CNGB1: variants seen among roughly 807,000 people sequenced by gnomAD.
CNGB1 encodes the protein cyclic nucleotide-gated channel beta-1.
Under a neutral mutation model 151.7 loss-of-function variants are expected in CNGB1, and 126 were observed. The observed-to-expected ratio is 0.83, with a 90% confidence interval of 0.72 to 0.96. CNGB1 has a LOEUF of 0.96. Ranked by LOEUF, CNGB1 falls within the 40% of genes least tolerant of loss-of-function variation. CNGB1 has a pLI of 0.00. For missense variants in CNGB1, 1,698 were observed against 1,627.0 expected, an observed-to-expected ratio of 1.04 and a Z score of -0.75; for synonymous variants, 623 against 635.1, an observed-to-expected ratio of 0.98 and a Z score of 0.29.
intron 19 of CNGB1, among the ~76,000 whole-genome samples, chr16:57,919,802 G>A (rs1171881656): frequency 6.6e-6 from 1 of 152,078 alleles, no homozygotes; most frequent in Non-Finnish European, 1.5e-5. Flanking sequence ...GCTCTTATAG[G>A]TTCAATATGG....
intron 9 of CNGB1, 151 bp downstream of exon 9, chr16:57,960,331 C>A (rs2405011): frequency 0.56 from 665,826 of 1,191,244 alleles, 193,308 homozygotes; most frequent in Non-Finnish European, 0.6. Flanking sequence ...CTGGTGTCCC[C>A]GCCAACAGCC....
chr16:57,905,655 T>C (rs1960530159), intron 25 of CNGB1, among the ~76,000 whole-genome samples: 1 of 152,268 alleles, frequency 6.6e-6, no homozygotes, highest in African/African-American at 2.4e-5. Context: ...GGGCGCCGTT[T>C]AGGCTGCGAG....
intron 25 of CNGB1, among the ~76,000 whole-genome samples, chr16:57,908,035 T>C (rs1960602976): frequency 1.3e-5 from 2 of 152,202 alleles, no homozygotes; most frequent in African/African-American, 4.8e-5. Flanking sequence ...ATTACGAGCG[T>C]GTACCACCAT....
chr16:57,915,860 T>C (rs1360056434), intron 22 of CNGB1, among the ~76,000 whole-genome samples: 2 of 142,612 alleles, frequency 1.4e-5, no homozygotes, highest in Non-Finnish European at 1.5e-5. Context: ...ATCACACCAC[T>C]GAACTCCAGC....
intron 16 of CNGB1, among the ~76,000 whole-genome samples, chr16:57,937,716 G>A (rs150214479): frequency 1.3e-5 from 2 of 152,310 alleles, no homozygotes; most frequent in East Asian, 3.9e-4. Context: ...GAATTTTCCA[G>A]TCCAAAGCAG....
intron 13 of CNGB1, among the ~76,000 whole-genome samples, chr16:57,950,033 C>T (rs1961909768): frequency 6.6e-6 from 1 of 152,192 alleles, no homozygotes; most frequent in Admixed American, 6.5e-5. Flanking sequence ...GAATACTATG[C>T]AGCAGTGAAA....
chr16:57,888,131 C>T lies in CNGB1; in HGVS notation c.3243-57G>A, dbSNP rs1959986132. Reference sequence around the variant, plus strand: ...GACGCACTCTGGGGGAAAAGAAAGACTCGCTTCTGCAGCCTCCTTTAAGCT... The same window carrying T: ...GACGCACTCTGGGGGAAAAGAAAGATTCGCTTCTGCAGCCTCCTTTAAGCT... On this transcript the variant is annotated intron_variant, in intron 31 of 32. Transcript: ENST00000251102. 5.2e-6 allele frequency: 8 copies of T among 1,545,472 alleles called. No homozygotes were observed. In the South Asian group the frequency reaches 7.9e-5, roughly 15 times the overall value.
At chr16:57,936,951 G>A (rs1406388668) in intron 16 of CNGB1, 2 of 152,226 alleles carry the variant, frequency 1.3e-5, no homozygotes, top group East Asian at 1.9e-4. Flanking sequence ...GGTATTGATC[G>A]GCAGAGGAAA....
intron 23 of CNGB1, 105 bp from the exon 24 acceptor site, chr16:57,913,099 A>T: frequency 9.7e-7 from 1 of 1,025,908 alleles, no homozygotes; most frequent in South Asian, 1.3e-5. Context: ...AGCCCCCAGG[A>T]GGGAACAGGA....
intron 1 of CNGB1, among the ~76,000 whole-genome samples, chr16:57,969,334 G>A (rs1475158854): frequency 6.6e-6 from 1 of 151,786 alleles, no homozygotes; most frequent in Non-Finnish European, 1.5e-5. Flanking sequence ...AAACAAAAAG[G>A]CTGGGCATGG....
chr16:57,968,882 A>G (rs1962464589), intron 1 of CNGB1, among the ~76,000 whole-genome samples: 2 of 151,204 alleles, frequency 1.3e-5, no homozygotes, highest in South Asian at 2.1e-4. Flanking sequence ...AAAAAAAAAA[A>G]AAGCCTGTTA....
intron 4 of CNGB1, among the ~76,000 whole-genome samples, chr16:57,963,430 C>T (rs137987522): frequency 2.4e-4 from 37 of 152,318 alleles, no homozygotes; most frequent in African/African-American, 8.4e-4. Flanking sequence ...GCTGACTTCC[C>T]TCTCCTCCTG....
chr16:57,902,402 A>G (rs560018025), intron 27 of CNGB1, among the ~76,000 whole-genome samples: 1 of 151,662 alleles, frequency 6.6e-6, no homozygotes, highest in South Asian at 2.1e-4. Context: ...AATGTTTTAT[A>G]AAGATTATCT....
At chr16:57,906,201 C>A (rs1183601369) in intron 25 of CNGB1, among the ~76,000 whole-genome samples, 1 of 151,270 alleles carries the variant, frequency 6.6e-6, no homozygotes, top group Non-Finnish European at 1.5e-5. Context: ...TTGGACAAAT[C>A]TCTCTCTCTC....
At chr16:57,949,137 G>T (rs553159896) in intron 14 of CNGB1, among the ~76,000 whole-genome samples, 11 of 152,156 alleles carry the variant, frequency 7.2e-5, no homozygotes, top group African/African-American at 1.7e-4. Flanking sequence ...TGTGTGTGGG[G>T]GGGGATGTGG....
At chr16:57,958,314 C>T in intron 11 of CNGB1, 96 bp downstream of exon 11, 1 of 1,160,100 alleles carries the variant, frequency 8.6e-7, no homozygotes, top group Non-Finnish European at 1.3e-6. Context: ...GGGAGCTGGG[C>T]TTCTGCCACA....
Position 57,901,591 on chromosome 16 carries a change from C to G in CNGB1, c.2829G>C (p.Lys943Asn). 1.2e-6 allele frequency: 2 copies of G among 1,614,160 alleles called. No individual in the cohort carries two copies. Among genetic ancestry groups the G allele is most frequent in the East Asian group, 4.5e-5 (2 of 44,882 alleles). ...CGTCGATGGCGAGGTCCAGCCGCATCTTGTCTGGAAGCTGCACCATCAGCT... is the reference window on the plus strand; with the variant it reads ...CGTCGATGGCGAGGTCCAGCCGCATGTTGTCTGGAAGCTGCACCATCAGCT... ...ESELMVQLPD[K>N]MRLDLAIDVN... Residue 943 changes from lysine to asparagine, a missense_variant, in exon 28 of 33, where the codon AAG becomes AAC. Coordinates refer to ENST00000251102, the MANE Select transcript of CNGB1 (RefSeq NM_001297.5).
chr16:57,952,988 C>T (rs767387127), intron 12 of CNGB1, among the ~76,000 whole-genome samples: 16 of 152,304 alleles, frequency 1.1e-4, no homozygotes, highest in Middle Eastern at 3.4e-3. Context: ...GGTGCAGGAG[C>T]CCCTGGCCCA....
At chr16:57,939,685 A>G in intron 15 of CNGB1, 93 bp from the exon 16 acceptor site, 8 of 1,538,250 alleles carry the variant, frequency 5.2e-6, no homozygotes, top group Admixed American at 1.7e-5. Context: ...AGAAGTCCAC[A>G]TGGGCCCAGT....
Sources: gnomAD v4.1 joint callset for allele counts (sites outside exome capture counted in the v4.1 genomes callset) on GRCh38, gnomAD v4.1.1 for gene constraint, MANE v1.5 for transcripts, NCBI Gene and HGNC (gene_info 2026-07-23, HGNC 2026-07-21) for gene names.